PTBP3: variants seen among roughly 807,000 people sequenced by gnomAD.
PTBP3 encodes the protein polypyrimidine tract-binding protein 3.
A neutral mutation model predicts 58.7 loss-of-function variants in PTBP3; 20 were observed. The ratio of observed to expected loss-of-function variants is 0.34; its 90% confidence interval spans 0.24 to 0.50. The LOEUF (loss-of-function observed/expected upper bound fraction) is 0.50, where lower values mean the gene tolerates loss of function less well. Among genes scored for constraint, PTBP3 ranks in the 20% least tolerant of loss-of-function variants. The pLI is 0.98. For synonymous variants in PTBP3, 185 were observed against 219.8 expected (o/e 0.84, Z 1.40); for missense variants, 509 against 637.2 (o/e 0.80, Z 2.17).
At chr9:112,316,086 C>T (rs953492449) in intron 1 of PTBP3, among the ~76,000 whole-genome samples, 1 of 152,184 alleles carries the variant, frequency 6.6e-6, no homozygotes, top group African/African-American at 2.4e-5. Flanking sequence ...AGACAGTACT[C>T]TGGAACCATC....
chr9:112,227,165 C>A (rs539264536), intron 12 of PTBP3, among the ~76,000 whole-genome samples: 1 of 152,234 alleles, frequency 6.6e-6, no homozygotes, highest in East Asian at 1.9e-4. Flanking sequence ...CCTTTGATCA[C>A]TGAAAAATAA....
chr9:112,333,558 T>C lies in PTBP3; in HGVS notation c.-140A>G. 6.6e-7 allele frequency: 1 copy of C among 1,515,350 alleles called. No homozygotes were observed. The highest frequency in any genetic ancestry group is 9.0e-7 in the Non-Finnish European group (1 of 1,111,178). The allele number at this position is 1,515,350 out of a possible 1,614,324, so 93.9% of individuals were successfully genotyped here. ...GAAGCAGGCGGCGGCAGCAGGGCGG[T>C]TCCGGGGACAAGCGAGCTTTGGCTC... is the stretch of plus-strand genomic sequence containing the variant. On this transcript the variant is annotated 5_prime_UTR_variant, in exon 1 of 14. Coordinates refer to ENST00000374257, the MANE Select transcript of PTBP3 (RefSeq NM_001163788.4).
intron 7 of PTBP3, among the ~76,000 whole-genome samples, chr9:112,242,010 C>T (rs572965617): frequency 6.6e-6 from 1 of 152,218 alleles, no homozygotes; most frequent in Non-Finnish European, 1.5e-5. Flanking sequence ...CATAGAAGGA[C>T]CACTTTTATC....
At chr9:112,342,134 T>C in the PTBP3 span, among the ~76,000 whole-genome samples, 1 of 152,176 alleles carries the variant, frequency 6.6e-6, no homozygotes, top group South Asian at 2.1e-4. Flanking sequence ...CACTGTTCTT[T>C]TCCTGCCCTT....
At chr9:112,286,211 GT>G (rs1828107097) in intron 2 of PTBP3, among the ~76,000 whole-genome samples, 1 of 152,006 alleles carries the variant, frequency 6.6e-6, no homozygotes, top group Non-Finnish European at 1.5e-5. Flanking sequence ...TTTAAAATGG[GT>G]TTCTTATACA....
At chr9:112,229,058 G>C (rs3908939) in intron 10 of PTBP3, among the ~76,000 whole-genome samples, 84,017 of 151,970 alleles carry the variant, frequency 0.55, 24,807 homozygotes, top group African/African-American at 0.78. Flanking sequence ...ATTCACTGGG[G>C]TATGGAAAGA....
In PTBP3 at chr9:112,232,175, G is replaced by C. The variant is rs373490339; in HGVS notation, c.944C>G (p.Thr315Ser). 2 of 1,612,424 alleles carry C rather than the reference G, an allele frequency of 1.2e-6. No individual in the cohort carries two copies. The highest frequency in any genetic ancestry group is 1.7e-5 in the Admixed American group (1 of 59,972). The change falls in exon 9 of 14, where the codon ACT (threonine) becomes AGT (serine). Residue 315 changes from threonine to serine, a missense_variant. Transcript: ENST00000374257. The stretch of plus-strand genomic sequence containing the variant: ...AGCCCCAGGAATGGCCATCCTTCCA[G>C]TGACAGCAGAAGAGGTGATTGTGAG... Reference protein sequence around the residue: ...GPLTITSSAVTGRMAIPGASG... With the variant: ...GPLTITSSAVSGRMAIPGASG...
rs1834859937 is a variant in PTBP3, at chr9:112,223,140, T to G, written c.*711A>C. 2 of 887,928 alleles carry G rather than the reference T, an allele frequency of 2.3e-6. No homozygotes were observed. The highest frequency in any genetic ancestry group is 1.0e-4 in the South Asian group (2 of 19,168). 55.0% of individuals were successfully genotyped at this position (887,928 alleles called of 1,614,324 possible). On this transcript the variant is annotated 3_prime_UTR_variant, in exon 14 of 14. Transcript: ENST00000374257. ...TATTCTGACATCTTATTAACAGATC[T>G]TAGTTGAATTCCACTTAATTTCCCT...
the PTBP3 span, among the ~76,000 whole-genome samples, chr9:112,363,536 A>T: frequency 2.4e-5 from 3 of 124,164 alleles, no homozygotes; most frequent in African/African-American, 1.0e-4. Flanking sequence ...ACACACACAC[A>T]CACACACACA....
chr9:112,243,769 T>C (rs147634953), intron 7 of PTBP3, among the ~76,000 whole-genome samples: 19 of 152,302 alleles, frequency 1.2e-4, no homozygotes, highest in African/African-American at 4.6e-4. Flanking sequence ...CAAACTTACA[T>C]TGGGCTTATG....
intron 3 of PTBP3, among the ~76,000 whole-genome samples, chr9:112,273,503 T>C (rs1283818080): frequency 6.6e-6 from 1 of 152,220 alleles, no homozygotes; most frequent in Non-Finnish European, 1.5e-5. Context: ...ACATACTCAA[T>C]TTCTAACATC....
the PTBP3 span, among the ~76,000 whole-genome samples, chr9:112,360,115 AG>A: frequency 6.6e-6 from 1 of 152,222 alleles, no homozygotes; most frequent in South Asian, 2.1e-4. Flanking sequence ...GAGCAAGAAA[AG>A]GCACAGCTCG....
intron 1 of PTBP3, among the ~76,000 whole-genome samples, chr9:112,304,581 T>C (rs1197657170): frequency 6.6e-6 from 1 of 152,224 alleles, no homozygotes; most frequent in Non-Finnish European, 1.5e-5. Flanking sequence ...TTATTTATTT[T>C]TGTGAGACAG....
At chr9:112,313,726 C>T (rs936809633) in intron 1 of PTBP3, among the ~76,000 whole-genome samples, 1 of 152,186 alleles carries the variant, frequency 6.6e-6, no homozygotes, top group Non-Finnish European at 1.5e-5. Context: ...GAAAGCAAAG[C>T]CCAAGTCTTT....
intron 4 of PTBP3, among the ~76,000 whole-genome samples, chr9:112,263,178 AC>A (rs1235077162): frequency 1.3e-5 from 2 of 152,238 alleles, no homozygotes; most frequent in African/African-American, 4.8e-5. Flanking sequence ...AGGGGCCTGC[AC>A]TGGCCAAATC....
rs539875483 is a variant in PTBP3 at position 112,252,308 on chromosome 9, G to A, written c.627+370C>T. 9.5e-4 allele frequency: 237 copies of A among 249,832 alleles called. 1 individual carries two copies. Among genetic ancestry groups the A allele is most frequent in the African/African-American group, 5.4e-3 (230 of 42,650 alleles). The allele number at this position is 249,832 out of a possible 1,614,324, so 15.5% of individuals were successfully genotyped here. ...CACCTGATCTCATCTGATCTCAGAA[G>A]TTAAGCAGGGTCGGGCCTGGTTAGT... On this transcript the variant is annotated intron_variant, in intron 6 of 13. Coordinates refer to ENST00000374257, the MANE Select transcript of PTBP3 (RefSeq NM_001163788.4).
intron 5 of PTBP3, among the ~76,000 whole-genome samples, chr9:112,253,701 C>T (rs10817303): frequency 0.26 from 40,096 of 151,944 alleles, 6,578 homozygotes; most frequent in South Asian, 0.4. Context: ...TTGTTGTTCT[C>T]GTGATAGGGA....
the PTBP3 span, among the ~76,000 whole-genome samples, chr9:112,343,171 AGG>A: frequency 5.4e-4 from 82 of 151,858 alleles, no homozygotes; most frequent in African/African-American, 2.0e-3. Context: ...TGTTAACATT[AGG>A]GGAATCTGGA....
the PTBP3 span, among the ~76,000 whole-genome samples, chr9:112,349,168 G>A: frequency 6.6e-6 from 1 of 152,024 alleles, no homozygotes; most frequent in Non-Finnish European, 1.5e-5. Flanking sequence ...AGGAAAGGAG[G>A]GGGCTGGATA....
Sources: gnomAD v4.1 joint callset for allele counts (sites outside exome capture counted in the v4.1 genomes callset) on GRCh38, gnomAD v4.1.1 for gene constraint, MANE v1.5 for transcripts, NCBI Gene and HGNC (gene_info 2026-07-23, HGNC 2026-07-21) for gene names.